Variants in PRKD3 observed in about 807,000 individuals in gnomAD.
PRKD3 encodes the protein serine/threonine-protein kinase D3.
In PRKD3, 47 loss-of-function variants were observed where a neutral mutation model predicts 99.2. That is an observed-to-expected ratio of 0.47 (90% CI 0.38 to 0.60). The LOEUF (loss-of-function observed/expected upper bound fraction) is 0.60. Ranked by LOEUF, PRKD3 falls within the 20% of genes least tolerant of loss-of-function variation. PRKD3 has a pLI of 0.00. For synonymous variants in PRKD3, 392 were observed against 355.4 expected, an observed-to-expected ratio of 1.10 and a Z score of -1.16; for missense variants, 1,019 against 1,088.4, an observed-to-expected ratio of 0.94 and a Z score of 0.90.
chr2:37,320,041 T>C (rs1017752446), intron 1 of PRKD3, among the ~76,000 whole-genome samples: 1 of 152,204 alleles, frequency 6.6e-6, no homozygotes, highest in Non-Finnish European at 1.5e-5. Flanking sequence ...TTCACAGCAA[T>C]TAGTTGAAGG....
chr2:37,259,171 T>C (rs1219333118), intron 16 of PRKD3, among the ~76,000 whole-genome samples: 1 of 152,176 alleles, frequency 6.6e-6, no homozygotes, highest in Non-Finnish European at 1.5e-5. Context: ...TTTATGTAGG[T>C]TGTTTGAATA....
chr2:37,281,968 G>A (rs1033682308), intron 7 of PRKD3, among the ~76,000 whole-genome samples: 17 of 152,274 alleles, frequency 1.1e-4, no homozygotes, highest in African/African-American at 3.6e-4. Flanking sequence ...AATGGACAAC[G>A]ATTATTTGAC....
Position 37,316,642 on chromosome 2 carries a change from C to G in PRKD3, c.-118G>C. 1.4e-6 allele frequency: 2 copies of G among 1,472,684 alleles called. No homozygotes were observed. Among genetic ancestry groups the G allele is most frequent in the South Asian group, 1.4e-5 (1 of 69,024 alleles). The allele number at this position is 1,472,684 out of a possible 1,614,324, so 91.2% of individuals were successfully genotyped here. ...CACTTTTGGATTTAGTTGAAAACTTCTTTATTTCCTCTGTTAAGCCACTCA... is the reference window on the plus strand; with the variant it reads ...CACTTTTGGATTTAGTTGAAAACTTGTTTATTTCCTCTGTTAAGCCACTCA... On this transcript the variant is annotated 5_prime_UTR_variant, in exon 2 of 19. Coordinates refer to ENST00000234179, the MANE Select transcript of PRKD3 (RefSeq NM_005813.6).
At chr2:37,263,970 A>G (rs1472896380) in intron 14 of PRKD3, among the ~76,000 whole-genome samples, 7 of 152,176 alleles carry the variant, frequency 4.6e-5, no homozygotes, top group Non-Finnish European at 2.9e-5. Context: ...TAGGTTTTTG[A>G]TAACGTTTTC....
At chr2:37,253,724 T>TA (rs1377443509) in intron 18 of PRKD3, among the ~76,000 whole-genome samples, 1 of 152,208 alleles carries the variant, frequency 6.6e-6, no homozygotes, top group Non-Finnish European at 1.5e-5. Context: ...TAGTAACTGG[T>TA]AGATGAGATT....
At chr2:37,303,460 G>T (rs754802552) in intron 2 of PRKD3, among the ~76,000 whole-genome samples, 1 of 152,110 alleles carries the variant, frequency 6.6e-6, no homozygotes, top group Non-Finnish European at 1.5e-5. Flanking sequence ...AGACCTAAGA[G>T]AGTATTATAT....
intron 1 of PRKD3, among the ~76,000 whole-genome samples, chr2:37,322,023 TAAA>T (rs776410323): frequency 8.6e-4 from 130 of 151,944 alleles, no homozygotes; most frequent in Non-Finnish European, 1.3e-3. Context: ...TTCCTCCCAG[TAAA>T]GAGTTTTCCA....
rs550175503 is a variant in PRKD3 at position 37,309,149 on chromosome 2, T to C, written c.288+7088A>G. Among the ~76,000 whole-genome samples, 14 of 152,302 alleles carry C rather than the reference T, an allele frequency of 9.2e-5. No individual in the cohort carries two copies. The East Asian group carries it at 1.9e-3, about 21-fold the overall frequency. On this transcript the variant is annotated intron_variant, in intron 2 of 18. Transcript: ENST00000234179. ...GAAGACGCATTCATTTTACAAGGTCTTTAAAAAATTTTTTAAAGATTTTAA... is the reference window on the plus strand; with the variant it reads ...GAAGACGCATTCATTTTACAAGGTCCTTAAAAAATTTTTTAAAGATTTTAA...
At position 37,274,638 on chromosome 2, in the gene PRKD3, T is replaced by TGAA; in HGVS notation, c.1431_1433dup (p.Ser478dup). ...CAAAACAGTGTGGATTGCTGCCTTG[T>TGAA]GAAATGTTTGTGAAATCTCGTGGTG... On this transcript the variant is annotated inframe_insertion, in exon 11 of 19. Coordinates refer to ENST00000234179, the MANE Select transcript of PRKD3 (RefSeq NM_005813.6). The TGAA allele has an allele frequency of 6.2e-7, 1 of 1,614,116 alleles. No homozygotes were observed. Among genetic ancestry groups the TGAA allele is most frequent in the South Asian group, 1.1e-5 (1 of 91,088 alleles).
chr2:37,273,668 G>A (rs1669418489), intron 11 of PRKD3, among the ~76,000 whole-genome samples: 1 of 152,130 alleles, frequency 6.6e-6, no homozygotes, highest in African/African-American at 2.4e-5. Flanking sequence ...CATAATAGTT[G>A]TACAAAATAA....
intron 2 of PRKD3, among the ~76,000 whole-genome samples, chr2:37,311,419 G>C (rs1671419953): frequency 1.3e-5 from 2 of 152,054 alleles, no homozygotes; most frequent in Admixed American, 1.3e-4. Flanking sequence ...GTTTCATCTT[G>C]GGAGCTTCCA....
At chr2:37,276,801 CACACAT>C (rs996180670) in intron 9 of PRKD3, among the ~76,000 whole-genome samples, 1 of 148,860 alleles carries the variant, frequency 6.7e-6, no homozygotes, top group Non-Finnish European at 1.5e-5. Context: ...TATACACACA[CACACAT>C]ACACATATAT....
chr2:37,263,328 TTC>T (rs1269531412), intron 14 of PRKD3, among the ~76,000 whole-genome samples: 1 of 152,222 alleles, frequency 6.6e-6, no homozygotes. Context: ...TGTAATTTAT[TTC>T]TGCTTTAATG....
At chr2:37,311,784 A>G (rs973945592) in intron 2 of PRKD3, among the ~76,000 whole-genome samples, 4 of 152,152 alleles carry the variant, frequency 2.6e-5, no homozygotes, top group African/African-American at 9.7e-5. Context: ...TCAAATTTCC[A>G]TTAGACTAGA....
rs551555589 is a variant in PRKD3 at position 37,251,912 on chromosome 2, A to C, written c.*1265T>G. On this transcript the variant is annotated 3_prime_UTR_variant, in exon 19 of 19. Coordinates refer to ENST00000234179, the MANE Select transcript of PRKD3 (RefSeq NM_005813.6). ...AAAAAGGTTTACAATGATTACTGAG[A>C]AATGAAGAAATAAGCCACTGTTTCT... The C allele has an allele frequency of 3.3e-5, 5 of 152,292 alleles. No homozygotes were observed. In the South Asian group the frequency reaches 1.0e-3, roughly 32 times the overall value. 9.4% of individuals were successfully genotyped at this position (152,292 alleles called of 1,614,324 possible).
At chr2:37,323,218 C>A (rs1671958843) in intron 1 of PRKD3, among the ~76,000 whole-genome samples, 2 of 149,182 alleles carry the variant, frequency 1.3e-5, no homozygotes, top group South Asian at 4.3e-4. Context: ...TTACCATTAT[C>A]TAGGATGCTT....
intron 2 of PRKD3, among the ~76,000 whole-genome samples, chr2:37,293,538 TCA>T (rs1670542215): frequency 6.6e-6 from 1 of 152,246 alleles, no homozygotes. Flanking sequence ...ATTTCTATAT[TCA>T]GTTACTGATG....
At chr2:37,312,507 T>G (rs777307847) in intron 2 of PRKD3, among the ~76,000 whole-genome samples, 1 of 152,228 alleles carries the variant, frequency 6.6e-6, no homozygotes, top group Non-Finnish European at 1.5e-5. Flanking sequence ...TTCCAGCTCT[T>G]ATAGTGTAAA....
intron 2 of PRKD3, among the ~76,000 whole-genome samples, chr2:37,313,107 G>A (rs1211616866): frequency 6.6e-6 from 1 of 152,166 alleles, no homozygotes; most frequent in African/African-American, 2.4e-5. Flanking sequence ...CTAGAACAGG[G>A]ATTTCCAAAC....
Sources: gnomAD v4.1 joint callset for allele counts (sites outside exome capture counted in the v4.1 genomes callset) on GRCh38, gnomAD v4.1.1 for gene constraint, MANE v1.5 for transcripts, NCBI Gene and HGNC (gene_info 2026-07-23, HGNC 2026-07-21) for gene names.